Variants in LRP2 observed in about 807,000 individuals in gnomAD.
LRP2 encodes the protein low-density lipoprotein receptor-related protein 2.
In LRP2, 172 loss-of-function variants were observed where a neutral mutation model predicts 531.0. The observed-to-expected ratio is 0.32, with a 90% CI of 0.29 to 0.37. The LOEUF (loss-of-function observed/expected upper bound fraction) is 0.37. LRP2 is among the 10% of genes least tolerant of loss of function. LRP2 has a pLI of 1.00. For synonymous variants in LRP2, 1,992 were observed against 2,027.6 expected, an observed-to-expected ratio of 0.98 and a Z score of 0.47; for missense variants, 5,167 against 5,868.3, an observed-to-expected ratio of 0.88 and a Z score of 3.90.
intron 41 of LRP2, among the ~76,000 whole-genome samples, chr2:169,205,222 C>A (rs1688334872): frequency 6.6e-6 from 1 of 151,906 alleles, no homozygotes; most frequent in Admixed American, 6.6e-5. Flanking sequence ...ATAATTATAG[C>A]TGAAATTATA....
chr2:169,131,080 G>C (rs1685269514), intron 77 of LRP2, among the ~76,000 whole-genome samples: 1 of 152,222 alleles, frequency 6.6e-6, no homozygotes, highest in African/African-American at 2.4e-5. Context: ...GCTTGGGGTT[G>C]ACTCAGGCTT....
At chr2:169,216,147 T>C (rs923830906) in intron 35 of LRP2, 106 bp downstream of exon 35, 10 of 1,212,522 alleles carry the variant, frequency 8.2e-6, no homozygotes, top group Admixed American at 1.8e-5. Context: ...CTGGTACAAG[T>C]TACCAAGTAA....
chr2:169,238,367 A>G (rs1354295408), intron 26 of LRP2, 65 bp from the exon 27 acceptor site: 1 of 1,138,244 alleles, frequency 8.8e-7, no homozygotes, highest in Non-Finnish European at 1.3e-6. Context: ...AACTCTTTAA[A>G]ACTTTTGATT....
chr2:169,273,060 A>T lies in LRP2; in HGVS notation c.1983T>A (p.Asn661Lys). ...AGCCCCCATTGTTATCTTTACACGG[A>T]TTGGTAGCTGGAAGGAAAAATGCAC... ...YHSLRQPYATNPCKDNNGGCE... is the reference protein window; with the variant it reads ...YHSLRQPYATKPCKDNNGGCE... The change falls in exon 15 of 79, where the codon AAT becomes AAA. Residue 661 changes from asparagine to lysine, a missense_variant. By Grantham distance (94) the Asn-to-Lys change is moderately conservative. Around this residue, in one of 6 missense-constraint regions of LRP2, gnomAD observed 2,811 missense variants for 3,058.0 expected, o/e 0.92. Coordinates refer to ENST00000649046, the MANE Select transcript of LRP2 (RefSeq NM_004525.3). 6.2e-7 allele frequency: 1 copy of T among 1,613,614 alleles called. No individual in the cohort carries two copies. Among genetic ancestry groups the T allele is most frequent in the Non-Finnish European group, 8.5e-7 (1 of 1,179,672 alleles).
chr2:169,176,577 A>G lies in LRP2; in HGVS notation c.10405T>C (p.Cys3469Arg), dbSNP rs2105286646. ...GAACAGCCACCATTGTTGGTACCACAGGGATTGCTCACTAGTGGAAAAGGA... is the reference window on the plus strand; with the variant it reads ...GAACAGCCACCATTGTTGGTACCACGGGGATTGCTCACTAGTGGAAAAGGA... Reference protein sequence around the residue: ...PYRQPIVSNPCGTNNGGCSHL... With the variant: ...PYRQPIVSNPRGTNNGGCSHL... The change falls in exon 54 of 79, where the codon TGT (cysteine) becomes CGT (arginine). Residue 3469 changes from cysteine to arginine, a missense_variant. Around this residue, in one of 6 missense-constraint regions of LRP2, gnomAD observed 1,129 missense variants for 1,362.7 expected, o/e 0.83. Coordinates refer to ENST00000649046, the MANE Select transcript of LRP2 (RefSeq NM_004525.3). 1 of 1,614,182 alleles carries G rather than the reference A, an allele frequency of 6.2e-7. No individual in the cohort carries two copies. Among genetic ancestry groups the G allele is most frequent in the Non-Finnish European group, 8.5e-7 (1 of 1,180,014 alleles).
intron 12 of LRP2, among the ~76,000 whole-genome samples, chr2:169,278,637 C>T (rs1485536649): frequency 6.6e-6 from 1 of 152,142 alleles, no homozygotes; most frequent in East Asian, 1.9e-4. Flanking sequence ...TTCTGAGGCA[C>T]AGAGAACATT....
chr2:169,293,630 G>A (rs577402594), intron 6 of LRP2, among the ~76,000 whole-genome samples: 16 of 152,222 alleles, frequency 1.1e-4, no homozygotes, highest in South Asian at 1.0e-3. Flanking sequence ...AGCCGAGATC[G>A]CGCCACTGTA....
chr2:169,348,517 G>A (rs1379853871), intron 1 of LRP2, among the ~76,000 whole-genome samples: 1 of 152,094 alleles, frequency 6.6e-6, no homozygotes, highest in East Asian at 1.9e-4. Flanking sequence ...CTTCAAAGAG[G>A]GCCTTTTGTT....
chr2:169,318,708 G>T, intron 3 of LRP2, 54 bp downstream of exon 3: 1 of 1,612,992 alleles, frequency 6.2e-7, no homozygotes, highest in South Asian at 1.1e-5. Flanking sequence ...TTTGCGACAG[G>T]TTGGGTTTTA....
chr2:169,180,694 A>T (rs1687395965), intron 52 of LRP2, among the ~76,000 whole-genome samples: 1 of 152,362 alleles, frequency 6.6e-6, no homozygotes, highest in African/African-American at 2.4e-5. Context: ...AAAATTTGAA[A>T]TAGTTCTACT....
intron 57 of LRP2, 81 bp downstream of exon 57, chr2:169,173,015 C>CGGTGGGG: frequency 7.1e-7 from 1 of 1,399,860 alleles, no homozygotes; most frequent in Non-Finnish European, 1.0e-6. Flanking sequence ...GGGAAATACA[C>CGGTGGGG]TCTCATCTCT....
intron 24 of LRP2, among the ~76,000 whole-genome samples, chr2:169,241,757 T>G (rs973810821): frequency 3.3e-5 from 5 of 152,260 alleles, no homozygotes; most frequent in African/African-American, 1.2e-4. Flanking sequence ...TAGCTATGAT[T>G]ACTTTGAACT....
intron 67 of LRP2, among the ~76,000 whole-genome samples, chr2:169,151,896 C>T (rs966320595): frequency 1.3e-5 from 2 of 152,126 alleles, no homozygotes; most frequent in South Asian, 2.1e-4. Flanking sequence ...ACCCAATTAG[C>T]TTCTTCAAAG....
At chr2:169,137,856 G>A (rs1470635012) in intron 75 of LRP2, among the ~76,000 whole-genome samples, 1 of 152,066 alleles carries the variant, frequency 6.6e-6, no homozygotes, top group Non-Finnish European at 1.5e-5. Flanking sequence ...GAAGAATAAG[G>A]AGAGAGGGGA....
chr2:169,289,046 T>A lies in LRP2; in HGVS notation c.1022A>T (p.Asn341Ile). 6.2e-7 allele frequency: 1 copy of A among 1,614,024 alleles called. No homozygotes were observed. The highest frequency in any genetic ancestry group is 8.5e-7 in the Non-Finnish European group (1 of 1,179,954). Reference protein sequence around the residue: ...FCPPGYIINHNDSRTCVEFDD... With the variant: ...FCPPGYIINHIDSRTCVEFDD... ...CTTACCAACACAGGTACGGCTGTCA[T>A]TGTGGTTGATGATATAACCTGGGGG... Residue 341 changes from asparagine (N) to isoleucine (I), a missense_variant, in exon 9 of 79, where the codon AAT becomes ATT. Asn to Ile is a moderately radical substitution (Grantham distance 149, BLOSUM62 -3). Coordinates refer to ENST00000649046, the MANE Select transcript of LRP2 (RefSeq NM_004525.3).
At chr2:169,283,984 C>G (rs1173137570) in intron 9 of LRP2, among the ~76,000 whole-genome samples, 1 of 152,152 alleles carries the variant, frequency 6.6e-6, no homozygotes, top group African/African-American at 2.4e-5. Context: ...TCATCCTTCA[C>G]CCTCCTCGCT....
chr2:169,139,060 T>A (rs1685622664), intron 74 of LRP2, among the ~76,000 whole-genome samples, 191 bp downstream of exon 74: 1 of 152,182 alleles, frequency 6.6e-6, no homozygotes, highest in African/African-American at 2.4e-5. Flanking sequence ...CACTCAGGCT[T>A]TAGAGAAGCA....
At chr2:169,171,053 G>T (rs957614307) in intron 58 of LRP2, among the ~76,000 whole-genome samples, 3 of 148,832 alleles carry the variant, frequency 2.0e-5, no homozygotes, top group South Asian at 2.2e-4. Flanking sequence ...GTTCCACCAT[G>T]CCCAGCTTGA....
chr2:169,231,869 A>G (rs750927298), intron 30 of LRP2, 27 bp from the exon 31 acceptor site: 61 of 1,612,592 alleles, frequency 3.8e-5, no homozygotes, highest in Non-Finnish European at 4.9e-5. Flanking sequence ...AGAAAGCACC[A>G]GTAAGTGGAA....
Sources: gnomAD v4.1 joint callset for allele counts (sites outside exome capture counted in the v4.1 genomes callset) on GRCh38, gnomAD v4.1.1 for gene constraint, gnomAD v4.1.1 regional missense constraint, MANE v1.5 for transcripts, NCBI Gene and HGNC (gene_info 2026-07-23, HGNC 2026-07-21) for gene names.